The following CYTIP variants were observed in gnomAD, a reference collection of about 807,000 sequenced individuals.
CYTIP encodes cytohesin 1 interacting protein, also known as cytohesin-interacting protein.
A neutral mutation model predicts 43.8 loss-of-function variants in CYTIP; 26 were observed. The ratio of observed to expected loss-of-function variants is 0.59; its 90% confidence interval spans 0.44 to 0.82. The LOEUF is 0.82. CYTIP is among the 40% of genes least tolerant of loss of function. The probability of loss-of-function intolerance (pLI) is 0.00; values close to 1 mark genes in which losing one functional copy is unlikely to be tolerated. For missense variants in CYTIP, 426 were observed against 443.1 expected, an observed-to-expected ratio of 0.96 and a Z score of 0.35; for synonymous variants, 162 against 162.9, an observed-to-expected ratio of 0.99 and a Z score of 0.04.
At chr2:157,419,682 T>C (rs907790405) in intron 6 of CYTIP, among the ~76,000 whole-genome samples, 1 of 152,206 alleles carries the variant, frequency 6.6e-6, no homozygotes. Context: ...TGTGGACTCT[T>C]AGGCCAAAGG....
Position 157,444,024 on chromosome 2 carries a change from G to C in CYTIP, c.-4C>G. ...GCAGGAGCCTTTGTAAAGACATTGT[G>C]AATAAAGATCACTCCAGCTAGCACA... is the stretch of plus-strand genomic sequence containing the variant. On this transcript the variant is annotated 5_prime_UTR_variant, in exon 1 of 8. Transcript: ENST00000264192. 1.2e-6 allele frequency: 2 copies of C among 1,613,566 alleles called. No individual in the cohort carries two copies. Among genetic ancestry groups the C allele is most frequent in the Non-Finnish European group, 1.7e-6 (2 of 1,179,774 alleles).
chr2:157,429,486 A>T (rs1685666536), intron 5 of CYTIP, among the ~76,000 whole-genome samples: 1 of 152,192 alleles, frequency 6.6e-6, no homozygotes. Flanking sequence ...TATACACATT[A>T]CTTAAATTTC....
intron 1 of CYTIP, among the ~76,000 whole-genome samples, chr2:157,442,600 T>C (rs1291325116): frequency 6.6e-6 from 1 of 152,224 alleles, no homozygotes; most frequent in African/African-American, 2.4e-5. Flanking sequence ...GCATTTCTCA[T>C]GTTGCTTTAT....
intron 1 of CYTIP, chr2:157,438,865 C>A: frequency 3.5e-6 from 1 of 289,580 alleles, no homozygotes; most frequent in South Asian, 3.0e-5. Flanking sequence ...AATTTTGAGC[C>A]TTGTCAATTT....
chr2:157,418,599 T>TAAA lies in CYTIP; in HGVS notation c.547-13_547-11dup, dbSNP rs5835667. ...TTTGTTTCAAAGTTTGCTGTGAGAT[T>TAAA]AAAAAAAAAAAAAAAAAGTTTTTAT... On this transcript the variant is annotated splice_polypyrimidine_tract_variant and intron_variant, in intron 6 of 7. Transcript: ENST00000264192. The TAAA allele has an allele frequency of 4.2e-4, 566 of 1,354,588 alleles. No individual in the cohort carries two copies. Among genetic ancestry groups the TAAA allele is most frequent in the South Asian group, 1.2e-3 (81 of 65,978 alleles). 83.9% of individuals were successfully genotyped at this position (1,354,588 alleles called of 1,614,324 possible).
chr2:157,426,042 A>T (rs564407027), intron 6 of CYTIP, among the ~76,000 whole-genome samples: 3 of 152,118 alleles, frequency 2.0e-5, no homozygotes, highest in Non-Finnish European at 2.9e-5. Context: ...TATAAAAATT[A>T]TTATTAGAAT....
Position 157,443,905 on chromosome 2 carries a change from T to C in CYTIP, c.116A>G (p.Asn39Ser), listed in dbSNP as rs770047097. 2 of 1,614,154 alleles carry C rather than the reference T, an allele frequency of 1.2e-6. No homozygotes were observed. Among genetic ancestry groups the C allele is most frequent in the Non-Finnish European group, 1.7e-6 (2 of 1,179,998 alleles). ...GTCTGCTAGCATTTGAATCCTTCTA[T>C]TATCGTCCATCGTAAGGCTGCCGGT... ...TLTGSLTMDD[N>S]RRIQMLADTV... The change falls in exon 1 of 8, where the codon AAT becomes AGT. Residue 39 changes from asparagine to serine, a missense_variant. Physicochemically the swap from Asn to Ser is conservative, Grantham distance 46. Coordinates refer to ENST00000264192, the MANE Select transcript of CYTIP (RefSeq NM_004288.5).
Position 157,418,561 on chromosome 2 carries a change from T to C in CYTIP, c.575A>G (p.Tyr192Cys), listed in dbSNP as rs1156913799. The C allele has an allele frequency of 1.9e-6, 3 of 1,579,186 alleles. No homozygotes were observed. In the African/African-American group the frequency reaches 4.1e-5, roughly 22 times the overall value. Residue 192 changes from tyrosine (Y) to cysteine (C), a missense_variant, in exon 7 of 8, where the codon TAC becomes TGC. Coordinates refer to ENST00000264192, the MANE Select transcript of CYTIP (RefSeq NM_004288.5). ...ATGTTCCTGTAACTGCAGAGATCTG[T>C]ACTCCACCCATTTTTGTTTCAAAGT... is the stretch of plus-strand genomic sequence containing the variant. ...KQTLKQKWVEYRSLQLQEHRL... is the reference protein window; with the variant it reads ...KQTLKQKWVECRSLQLQEHRL...
intron 6 of CYTIP, among the ~76,000 whole-genome samples, chr2:157,422,919 G>T (rs1171016757): frequency 2.0e-5 from 3 of 151,962 alleles, no homozygotes; most frequent in African/African-American, 4.8e-5. Flanking sequence ...TGTTACTAAA[G>T]AATTCAGAAA....
chr2:157,437,623 C>A (rs1174410475), intron 1 of CYTIP, among the ~76,000 whole-genome samples: 2 of 150,906 alleles, frequency 1.3e-5, no homozygotes. Flanking sequence ...TCGCTTCAAC[C>A]CGGGCGGCGG....
intron 1 of CYTIP, among the ~76,000 whole-genome samples, chr2:157,438,617 C>A (rs142481298): frequency 6.6e-6 from 1 of 151,908 alleles, no homozygotes. Context: ...GTACATTCCA[C>A]GTATCAAAAC....
At chr2:157,429,957 A>G (rs951122184) in intron 5 of CYTIP, among the ~76,000 whole-genome samples, 3 of 150,106 alleles carry the variant, frequency 2.0e-5, no homozygotes, top group Non-Finnish European at 3.0e-5. Flanking sequence ...TGGGAGGCAG[A>G]GCTTGCAGTG....
chr2:157,426,830 T>C (rs552555672), intron 6 of CYTIP, among the ~76,000 whole-genome samples: 44 of 152,318 alleles, frequency 2.9e-4, no homozygotes, highest in South Asian at 4.1e-4. Context: ...CATTATTTAC[T>C]ATCTCTTGGA....
chr2:157,430,815 C>G, intron 4 of CYTIP, 45 bp downstream of exon 4: 1 of 1,542,866 alleles, frequency 6.5e-7, no homozygotes, highest in Non-Finnish European at 8.8e-7. Flanking sequence ...ATTTTATTTT[C>G]TTTCCATTTA....
At chr2:157,417,432 G>A (rs1322515800) in intron 7 of CYTIP, among the ~76,000 whole-genome samples, 6 of 152,130 alleles carry the variant, frequency 3.9e-5, no homozygotes, top group Admixed American at 3.9e-4. Context: ...ATACAAGGCT[G>A]TTTCTATAGA....
chr2:157,442,245 T>A (rs1685930120), intron 1 of CYTIP, among the ~76,000 whole-genome samples: 1 of 152,236 alleles, frequency 6.6e-6, no homozygotes, highest in Admixed American at 6.5e-5. Context: ...ACCCATTCTT[T>A]CTGCTTACTG....
chr2:157,422,764 G>A (rs991443447), intron 6 of CYTIP, among the ~76,000 whole-genome samples: 2 of 150,578 alleles, frequency 1.3e-5, no homozygotes, highest in African/African-American at 4.9e-5. Flanking sequence ...AGAGATCAAT[G>A]TTTATAAGAA....
intron 5 of CYTIP, among the ~76,000 whole-genome samples, chr2:157,430,022 C>CAAAAA (rs768455650): frequency 1.9e-5 from 1 of 52,694 alleles, no homozygotes; most frequent in Non-Finnish European, 4.0e-5. Flanking sequence ...GACTCCGTCT[C>CAAAAA]AAAAAAAAAA....
chr2:157,437,705 A>AT (rs1159728238), intron 1 of CYTIP, among the ~76,000 whole-genome samples: 1 of 151,294 alleles, frequency 6.6e-6, no homozygotes, highest in Non-Finnish European at 1.5e-5. Flanking sequence ...TCTCAAAAAA[A>AT]AAAAGAAAAA....
Sources: allele counts gnomAD v4.1 joint callset (sites outside exome capture counted in the v4.1 genomes callset), GRCh38; gene constraint gnomAD v4.1.1; transcripts MANE v1.5; gene names NCBI Gene and HGNC (gene_info 2026-07-23, HGNC 2026-07-21).